The following RBFOX3 variants were observed in gnomAD, a reference collection of about 807,000 sequenced individuals.
RBFOX3 encodes RNA binding fox-1 homolog 3.
Under a neutral mutation model 48.7 loss-of-function variants are expected in RBFOX3, and 17 were observed. The observed-to-expected ratio is 0.35, with a 90% CI of 0.24 to 0.52. The LOEUF is 0.52. Ranked by LOEUF, RBFOX3 falls within the 20% of genes least tolerant of loss-of-function variation. The pLI, the probability that RBFOX3 is intolerant of heterozygous loss-of-function variation, is 0.94. For synonymous variants in RBFOX3, 212 were observed against 209.5 expected, an observed-to-expected ratio of 1.01 and a Z score of -0.10; for missense variants, 382 against 497.5, an observed-to-expected ratio of 0.77 and a Z score of 2.21.
chr17:79,148,001 C>T (rs562043730), intron 4 of RBFOX3, among the ~76,000 whole-genome samples: 10 of 152,110 alleles, frequency 6.6e-5, no homozygotes, highest in African/African-American at 1.9e-4. Context: ...CCAGAGCCGC[C>T]GCTGCCGTGG....
intron 2 of RBFOX3, among the ~76,000 whole-genome samples, chr17:79,456,901 A>G (rs1210138489): frequency 6.6e-6 from 1 of 152,148 alleles, no homozygotes; most frequent in Non-Finnish European, 1.5e-5. Flanking sequence ...CTCCCATCCT[A>G]AATCCCCCAA....
At chr17:79,591,764 T>A (rs2093422302) in intron 1 of RBFOX3, among the ~76,000 whole-genome samples, 1 of 151,816 alleles carries the variant, frequency 6.6e-6, no homozygotes, top group African/African-American at 2.4e-5. Flanking sequence ...TCTGGGAGCC[T>A]GATGAGGATG....
chr17:79,355,638 T>G (rs532480032), intron 2 of RBFOX3, among the ~76,000 whole-genome samples: 148 of 152,054 alleles, frequency 9.7e-4, no homozygotes, highest in African/African-American at 3.5e-3. Flanking sequence ...TGGAGTACAG[T>G]GGTTTGATCT....
At chr17:79,596,365 C>T (rs1185670987) in intron 1 of RBFOX3, among the ~76,000 whole-genome samples, 5 of 152,196 alleles carry the variant, frequency 3.3e-5, no homozygotes, top group African/African-American at 7.2e-5. Flanking sequence ...TCTGACAGCC[C>T]TCTGCCCCCA....
chr17:79,582,450 C>T (rs953248405), intron 1 of RBFOX3, among the ~76,000 whole-genome samples: 4 of 152,162 alleles, frequency 2.6e-5, no homozygotes, highest in Non-Finnish European at 5.9e-5. Flanking sequence ...TTTGTCCATC[C>T]CTGATGACTT....
chr17:79,310,480 G>T (rs1598202604), intron 2 of RBFOX3, among the ~76,000 whole-genome samples: 1 of 152,114 alleles, frequency 6.6e-6, no homozygotes, highest in Non-Finnish European at 1.5e-5. Context: ...CCCAGTAGAG[G>T]CTCCCATGGG....
intron 3 of RBFOX3, among the ~76,000 whole-genome samples, chr17:79,292,576 ACACACATGCACACACACACACACG>A (rs1247625191): frequency 7.8e-6 from 1 of 127,944 alleles, no homozygotes; most frequent in Non-Finnish European, 1.6e-5. Context: ...ACACACACAC[ACACACATGCACACACACACACACG>A]CACACACACA....
intron 1 of RBFOX3, among the ~76,000 whole-genome samples, chr17:79,496,285 TCCTAAAGG>T (rs1480806470): frequency 4.6e-5 from 7 of 152,064 alleles, no homozygotes; most frequent in African/African-American, 1.7e-4. Flanking sequence ...TGACCAGCGC[TCCTAAAGG>T]CCCCCCACCT....
intron 4 of RBFOX3, among the ~76,000 whole-genome samples, chr17:79,131,213 CTG>C (rs147900732): frequency 0.1 from 15,665 of 152,078 alleles, 2,020 homozygotes; most frequent in African/African-American, 0.31. Flanking sequence ...GTTCTGTGCA[CTG>C]TGTGTGCCCT....
At chr17:79,624,267 C>T in the RBFOX3 span, among the ~76,000 whole-genome samples, 2 of 152,114 alleles carry the variant, frequency 1.3e-5, no homozygotes, top group Non-Finnish European at 1.5e-5. Context: ...CCCCGAGACC[C>T]GTCAGCTCCC....
In RBFOX3 at chr17:79,411,617, C is replaced by T. The variant is rs192614584; in HGVS notation, c.-175+70837G>A. On this transcript the variant is annotated intron_variant, in intron 2 of 14. Transcript: ENST00000693108. ...CCTGCCAGCCCGACTTCGGTCCCCA[C>T]GCCCCCACCTGCACAGTGGTGAGGC... Among the ~76,000 whole-genome samples, 227 of 152,308 alleles carry T rather than the reference C, an allele frequency of 1.5e-3. 1 individual carries two copies. Among genetic ancestry groups the T allele is most frequent in the African/African-American group, 5.1e-3 (211 of 41,568 alleles).
intron 6 of RBFOX3, among the ~76,000 whole-genome samples, chr17:79,106,028 C>T (rs557794778): frequency 4.6e-5 from 7 of 152,332 alleles, no homozygotes; most frequent in East Asian, 1.9e-4. Context: ...GACCCCACCA[C>T]GGGGCTGAAG....
intron 2 of RBFOX3, among the ~76,000 whole-genome samples, chr17:79,456,012 C>G (rs2074416155): frequency 6.6e-6 from 1 of 151,654 alleles, no homozygotes; most frequent in South Asian, 2.1e-4. Flanking sequence ...CACCCCAAAC[C>G]TAAGGACATC....
At chr17:79,603,072 C>T (rs1304270691) in intron 1 of RBFOX3, among the ~76,000 whole-genome samples, 1 of 151,254 alleles carries the variant, frequency 6.6e-6, no homozygotes, top group Admixed American at 6.6e-5. Context: ...CTCACTGCAA[C>T]CTCCACCTCC....
rs1555782369 is a variant in RBFOX3 at position 79,513,713 on chromosome 17, C to T, written c.-319-31115G>A. On this transcript the variant is annotated intron_variant, in intron 1 of 14. Coordinates refer to ENST00000693108, the MANE Select transcript of RBFOX3 (RefSeq NM_001350451.2). ...GTCCTCCACTCCACAGTGGGAGCCG[C>T]ACAAGCTTGCCTACCAGAAAGAACC... Among the ~76,000 whole-genome samples the T allele has an allele frequency of 2.6e-5, 4 of 152,334 alleles. No individual in the cohort carries two copies. In the South Asian group the frequency reaches 8.3e-4, roughly 32 times the overall value.
intron 4 of RBFOX3, among the ~76,000 whole-genome samples, chr17:79,181,770 G>A (rs1009779077): frequency 6.6e-6 from 1 of 152,190 alleles, no homozygotes; most frequent in African/African-American, 2.4e-5. Flanking sequence ...ATGGGCCCTT[G>A]TAACGGGCTG....
chr17:79,431,855 G>A (rs372595269), intron 2 of RBFOX3, among the ~76,000 whole-genome samples: 9 of 152,270 alleles, frequency 5.9e-5, no homozygotes, highest in African/African-American at 1.7e-4. Context: ...AGTGGCATTC[G>A]GAACATTTGC....
At chr17:79,138,977 G>A (rs879497645) in intron 4 of RBFOX3, among the ~76,000 whole-genome samples, 60 of 91,908 alleles carry the variant, frequency 6.5e-4, no homozygotes, top group African/African-American at 1.3e-3. Flanking sequence ...CAGCACATGC[G>A]TTCACACCCC....
chr17:79,093,552 A>G (rs2074435960), intron 14 of RBFOX3, among the ~76,000 whole-genome samples: 2 of 151,764 alleles, frequency 1.3e-5, no homozygotes, highest in Admixed American at 6.6e-5. Flanking sequence ...AAAATTGAAA[A>G]AAAAAAAAAA....
Sources: gnomAD v4.1 joint callset for allele counts (sites outside exome capture counted in the v4.1 genomes callset) on GRCh38, gnomAD v4.1.1 for gene constraint, MANE v1.5 for transcripts, NCBI Gene and HGNC (gene_info 2026-07-23, HGNC 2026-07-21) for gene names.